Variants in THSD7A observed in about 807,000 individuals in gnomAD.
THSD7A encodes the protein thrombospondin type 1 domain containing 7A.
A neutral mutation model predicts 231.3 loss-of-function variants in THSD7A; 96 were observed. The ratio of observed to expected loss-of-function variants is 0.41; its 90% CI spans 0.35 to 0.49. THSD7A has a LOEUF of 0.49. Ranked by LOEUF, THSD7A falls within the 20% of genes least tolerant of loss-of-function variation. The pLI, the probability that THSD7A is intolerant of heterozygous loss-of-function variation, is 0.05. For synonymous variants in THSD7A, 940 were observed against 743.3 expected, an observed-to-expected ratio of 1.26 and a Z score of -4.30; for missense variants, 2,290 against 2,070.2, an observed-to-expected ratio of 1.11 and a Z score of -2.06.
At chr7:11,387,215 A>C (rs1009559310) in intron 23 of THSD7A, among the ~76,000 whole-genome samples, 1 of 152,168 alleles carries the variant, frequency 6.6e-6, no homozygotes, top group Non-Finnish European at 1.5e-5. Context: ...GTTCCAGATG[A>C]AACTTAAAGT....
chr7:11,412,573 T>G, intron 18 of THSD7A, 83 bp downstream of exon 18: 1 of 1,505,084 alleles, frequency 6.6e-7, no homozygotes, highest in East Asian at 2.3e-5. Context: ...CAGGTAGAGA[T>G]GAACTATACT....
chr7:11,667,456 T>A (rs1196957954), intron 1 of THSD7A, among the ~76,000 whole-genome samples: 1 of 152,158 alleles, frequency 6.6e-6, no homozygotes, highest in East Asian at 1.9e-4. Context: ...TTCATAGTCA[T>A]TTTTTATTAC....
intron 13 of THSD7A, among the ~76,000 whole-genome samples, chr7:11,433,151 A>T (rs1036221016): frequency 6.6e-6 from 1 of 152,172 alleles, no homozygotes; most frequent in Admixed American, 6.5e-5. Flanking sequence ...CTAAAGGAAT[A>T]TTTCACAGTA....
chr7:11,598,580 T>C (rs746955282), intron 2 of THSD7A, among the ~76,000 whole-genome samples: 8 of 152,346 alleles, frequency 5.3e-5, no homozygotes, highest in Non-Finnish European at 7.4e-5. Flanking sequence ...TATGGGGGAA[T>C]GGCCTTTTGA....
At chr7:11,442,964 G>A (rs1005532208) in intron 13 of THSD7A, among the ~76,000 whole-genome samples, 1 of 151,986 alleles carries the variant, frequency 6.6e-6, no homozygotes, top group South Asian at 2.1e-4. Context: ...GCTGTGAGTT[G>A]ACAATACTAA....
chr7:11,733,271 T>C (rs1781799025), intron 1 of THSD7A, among the ~76,000 whole-genome samples: 1 of 151,832 alleles, frequency 6.6e-6, no homozygotes, highest in Non-Finnish European at 1.5e-5. Flanking sequence ...ATTATGTCAG[T>C]AACAGCCCTG....
At chr7:11,736,531 CTCAA>C (rs927527034) in intron 1 of THSD7A, among the ~76,000 whole-genome samples, 3 of 140,298 alleles carry the variant, frequency 2.1e-5, no homozygotes, top group African/African-American at 9.1e-5. Flanking sequence ...AAATATAGAA[CTCAA>C]TTAGGCTTTT....
At chr7:11,827,455 T>C (rs1001922136) in intron 1 of THSD7A, among the ~76,000 whole-genome samples, 2 of 152,194 alleles carry the variant, frequency 1.3e-5, no homozygotes, top group Admixed American at 6.5e-5. Context: ...TCTAAACTTT[T>C]AAAATACTTT....
intron 6 of THSD7A, among the ~76,000 whole-genome samples, chr7:11,514,957 G>A (rs12533645): frequency 0.43 from 64,711 of 151,838 alleles, 15,573 homozygotes; most frequent in Non-Finnish European, 0.54. Context: ...CTAAGAAGAT[G>A]GATCTTTCTG....
intron 16 of THSD7A, among the ~76,000 whole-genome samples, chr7:11,422,636 G>A (rs1202578229): frequency 6.8e-6 from 1 of 146,258 alleles, no homozygotes; most frequent in East Asian, 2.0e-4. Flanking sequence ...TACACAGATA[G>A]TTGAAGGGAA....
chr7:11,656,689 T>C (rs138249866), intron 1 of THSD7A, among the ~76,000 whole-genome samples: 240 of 151,990 alleles, frequency 1.6e-3, no homozygotes, highest in African/African-American at 5.4e-3. Context: ...AAAAATATTA[T>C]GTGTGTCTAG....
chr7:11,652,407 G>C (rs1016500745), intron 1 of THSD7A, among the ~76,000 whole-genome samples: 1 of 151,954 alleles, frequency 6.6e-6, no homozygotes, highest in African/African-American at 2.4e-5. Flanking sequence ...AGACACTGTA[G>C]ACACTGTAAA....
intron 6 of THSD7A, among the ~76,000 whole-genome samples, chr7:11,529,587 T>C (rs1223169004): frequency 7.9e-6 from 1 of 126,550 alleles, no homozygotes; most frequent in Non-Finnish European, 1.6e-5. Context: ...TAAAAGTGTT[T>C]GGCAGTTCCC....
At chr7:11,821,415 A>C (rs548441379) in intron 1 of THSD7A, 37 of 262,818 alleles carry the variant, frequency 1.4e-4, no homozygotes, top group East Asian at 5.0e-4. Flanking sequence ...TTTTTCTTTT[A>C]TTTTTTTAGG....
chr7:11,481,813 G>A lies in THSD7A; in HGVS notation c.1992C>T (p.Ser664=), dbSNP rs201110449. The A allele has an allele frequency of 1.9e-4, 303 of 1,613,428 alleles. No individual in the cohort carries two copies. The highest frequency in any genetic ancestry group is 2.2e-4 in the Non-Finnish European group (261 of 1,179,552). The change falls in exon 7 of 28, where the codon TCC becomes TCT. Residue 664 remains serine, a synonymous_variant. Transcript: ENST00000423059. The stretch of plus-strand genomic sequence containing the variant: ...CTTCTTCACCCGCATAGGCCAGAAT[G>A]GATCGTGCTCGTATCTGTTTCCCTT... ...TTEGKQIRAR[S]ILAYAGEEGG...
rs559208489 is a variant in THSD7A at position 11,507,873 on chromosome 7, T to C, written c.1823-25891A>G. ...TAAGGAACTCTTATGTATTAATCTG[T>C]GCTCACACTGCTGTAAAGGTACTAC... is the stretch of plus-strand genomic sequence containing the variant. On this transcript the variant is annotated intron_variant, in intron 6 of 27. Transcript: ENST00000423059. Among the ~76,000 whole-genome samples the C allele has an allele frequency of 7.9e-5, 12 of 152,330 alleles. No homozygotes were observed. The East Asian group carries it at 2.3e-3, about 29-fold the overall frequency.
At chr7:11,460,836 A>G in intron 10 of THSD7A, 71 bp from the exon 11 acceptor site, 1 of 1,245,194 alleles carries the variant, frequency 8.0e-7, no homozygotes, top group Admixed American at 2.0e-5. Flanking sequence ...ACACAGCAGC[A>G]TGGAAACATG....
chr7:11,463,467 C>T (rs1417240693), intron 9 of THSD7A, among the ~76,000 whole-genome samples: 1 of 152,046 alleles, frequency 6.6e-6, no homozygotes, highest in Admixed American at 6.6e-5. Context: ...AAAAATCTTG[C>T]CAGGTATTTG....
intron 4 of THSD7A, among the ~76,000 whole-genome samples, chr7:11,558,472 T>C (rs144494650): frequency 2.6e-3 from 398 of 152,268 alleles, no homozygotes; most frequent in African/African-American, 9.2e-3. Flanking sequence ...CCTGGTGAAC[T>C]ACTAATCCCA....
Sources: gnomAD v4.1 joint callset for allele counts (sites outside exome capture counted in the v4.1 genomes callset) on GRCh38, gnomAD v4.1.1 for gene constraint, MANE v1.5 for transcripts, NCBI Gene and HGNC (gene_info 2026-07-23, HGNC 2026-07-21) for gene names.